The following HDAC8 variants were observed in gnomAD, a reference collection of about 807,000 sequenced individuals.
The protein encoded by HDAC8 is histone deacetylase 8, also known as histone deacetylase-like 1.
In HDAC8, 1 loss-of-function variant was observed where a neutral mutation model predicts 32.2. The observed-to-expected ratio is 0.03, with a 90% CI of 0.01 to 0.15. HDAC8 has a LOEUF of 0.15. Ranked by LOEUF, HDAC8 falls within the 10% of genes least tolerant of loss-of-function variation. The pLI is 1.00. For missense variants in HDAC8, 117 were observed against 300.0 expected (o/e 0.39, Z 4.51); for synonymous variants, 108 against 113.9 (o/e 0.95, Z 0.33).
At chrX:72,438,397 G>A (rs1393140630) in intron 9 of HDAC8, among the ~76,000 whole-genome samples, 1 of 111,896 alleles carries the variant, frequency 8.9e-6, no homozygotes, top group Non-Finnish European at 1.9e-5. Context: ...AAAAACCAGT[G>A]TAAAAAGGCT....
intron 4 of HDAC8, among the ~76,000 whole-genome samples, chrX:72,551,519 C>A (rs2051069420): frequency 8.9e-6 from 1 of 111,758 alleles, no homozygotes; most frequent in Non-Finnish European, 1.9e-5. Flanking sequence ...AACCCTACCC[C>A]TTCCACTATT....
intron 9 of HDAC8, among the ~76,000 whole-genome samples, chrX:72,386,126 T>C (rs2045418995): frequency 8.9e-6 from 1 of 112,302 alleles, no homozygotes; most frequent in Non-Finnish European, 1.9e-5. Flanking sequence ...TGAGATACTA[T>C]AAAGCAGTTT....
At chrX:72,484,999 C>A (rs1331634975) in intron 7 of HDAC8, among the ~76,000 whole-genome samples, 1 of 111,586 alleles carries the variant, frequency 9.0e-6, no homozygotes, top group African/African-American at 3.3e-5. Flanking sequence ...ATTAGCAAAC[C>A]CTTCCTTTCG....
intron 4 of HDAC8, among the ~76,000 whole-genome samples, chrX:72,556,230 C>T (rs993950226): frequency 4.5e-5 from 5 of 111,907 alleles, no homozygotes; most frequent in Non-Finnish European, 9.4e-5. Context: ...ACAAAGCCAG[C>T]ACTACAAGAA....
chrX:72,401,009 C>T (rs1215475382), intron 9 of HDAC8, among the ~76,000 whole-genome samples: 2 of 112,155 alleles, frequency 1.8e-5, no homozygotes, highest in Non-Finnish European at 3.8e-5. Context: ...GTTATTTCTA[C>T]CTTTTAGCTA....
intron 9 of HDAC8, among the ~76,000 whole-genome samples, chrX:72,382,140 A>G (rs782764852): frequency 8.9e-6 from 1 of 112,799 alleles, no homozygotes; most frequent in Non-Finnish European, 1.9e-5. Flanking sequence ...TGCACAGTGC[A>G]GTGTACTCTG....
intron 10 of HDAC8, among the ~76,000 whole-genome samples, chrX:72,333,433 A>G (rs2043588220): frequency 8.9e-6 from 1 of 112,066 alleles, no homozygotes; most frequent in Non-Finnish European, 1.9e-5. Context: ...TCATGCCTGT[A>G]ATCCCAGCGC....
At chrX:72,481,825 G>A (rs1356467347) in intron 7 of HDAC8, among the ~76,000 whole-genome samples, 1 of 109,620 alleles carries the variant, frequency 9.1e-6, no homozygotes, top group Non-Finnish European at 1.9e-5. Context: ...GGCCAGGCTG[G>A]TCTTGAACCC....
chrX:72,380,189 T>C (rs1013110790), intron 9 of HDAC8, among the ~76,000 whole-genome samples: 1 of 112,090 alleles, frequency 8.9e-6, no homozygotes, highest in Admixed American at 9.5e-5. Flanking sequence ...CATTTACTTT[T>C]AAGCTTTTTG....
chrX:72,505,857 A>G (rs1556018814), intron 4 of HDAC8, among the ~76,000 whole-genome samples: 1 of 111,824 alleles, frequency 8.9e-6, no homozygotes, highest in Non-Finnish European at 1.9e-5. Flanking sequence ...TGTAAATCAA[A>G]CTGGATCTTG....
At chrX:72,516,559 T>C (rs2049811319) in intron 4 of HDAC8, among the ~76,000 whole-genome samples, 2 of 111,437 alleles carry the variant, frequency 1.8e-5, no homozygotes, top group East Asian at 2.8e-4. Context: ...GTTTAGCATG[T>C]TTAGTTTCCT....
intron 9 of HDAC8, among the ~76,000 whole-genome samples, chrX:72,416,049 T>C (rs2984283): frequency 0.027 from 3,036 of 111,530 alleles, 96 homozygotes; most frequent in African/African-American, 0.093. Flanking sequence ...CTTAATAAAG[T>C]GAGTTGGGAA....
intron 4 of HDAC8, among the ~76,000 whole-genome samples, chrX:72,497,144 C>T (rs185510709): frequency 7.2e-4 from 80 of 111,439 alleles, no homozygotes; most frequent in African/African-American, 2.5e-3. Context: ...ATGTTCCTTA[C>T]ACTAATGAAC....
intron 4 of HDAC8, among the ~76,000 whole-genome samples, chrX:72,523,495 A>G (rs1408776940): frequency 9.0e-6 from 1 of 110,718 alleles, no homozygotes; most frequent in African/African-American, 3.3e-5. Context: ...ATTCCTATAC[A>G]CTACTTCTTT....
intron 9 of HDAC8, among the ~76,000 whole-genome samples, chrX:72,399,827 T>A (rs1178856857): frequency 8.9e-6 from 1 of 112,608 alleles, no homozygotes; most frequent in African/African-American, 3.2e-5. Flanking sequence ...TTAAACTGCA[T>A]TTTTGATTTT....
At chrX:72,346,334 C>A (rs1200189704) in intron 10 of HDAC8, among the ~76,000 whole-genome samples, 1 of 112,051 alleles carries the variant, frequency 8.9e-6, no homozygotes, top group Non-Finnish European at 1.9e-5. Context: ...TCCTTGGGAC[C>A]AACCCTACCT....
chrX:72,403,254 T>A (rs2045953582), intron 9 of HDAC8, among the ~76,000 whole-genome samples: 2 of 111,803 alleles, frequency 1.8e-5, no homozygotes, highest in South Asian at 7.4e-4. Flanking sequence ...TATTAGGTGG[T>A]TATTTTTTTC....
At chrX:72,464,535 CT>C in intron 8 of HDAC8, 23 bp downstream of exon 8, 1 of 1,175,126 alleles carries the variant, frequency 8.5e-7, no homozygotes, top group Non-Finnish European at 1.2e-6. Flanking sequence ...TCAACAAATT[CT>C]GGTAACCTTC....
chrX:72,411,883 T>G (rs1426440241), intron 9 of HDAC8, among the ~76,000 whole-genome samples: 1 of 112,102 alleles, frequency 8.9e-6, no homozygotes, highest in Non-Finnish European at 1.9e-5. Flanking sequence ...TTGTTGAGCA[T>G]TTACTATATG....
Sources: allele counts gnomAD v4.1 joint callset (sites outside exome capture counted in the v4.1 genomes callset), GRCh38; gene constraint gnomAD v4.1.1; transcripts MANE v1.5; gene names NCBI Gene and HGNC (gene_info 2026-07-23, HGNC 2026-07-21).